The following OTUD7A variants were observed in gnomAD, a reference collection of about 807,000 sequenced individuals.
The protein encoded by OTUD7A is OTU deubiquitinase 7A, also known as OTU domain-containing protein 7A.
In OTUD7A, 12 loss-of-function variants were observed where a neutral mutation model predicts 65.7. The ratio of observed to expected loss-of-function variants is 0.18; its 90% CI spans 0.12 to 0.30. The LOEUF (loss-of-function observed/expected upper bound fraction) is 0.30. OTUD7A is among the 10% of genes least tolerant of loss of function. The pLI is 1.00. For missense variants in OTUD7A, 1,148 were observed against 1,304.8 expected (o/e 0.88, Z 1.85); for synonymous variants, 641 against 586.3 (o/e 1.09, Z -1.35).
chr15:31,480,903 C>T lies in OTUD7A; in HGVS notation c.*2391G>A, dbSNP rs572491021. Reference sequence around the variant, plus strand: ...TGCAGGATGCAGCCAGTGGCTTTATCTCAGGCTCTTATTTAGGGCACATCT... The same window carrying T: ...TGCAGGATGCAGCCAGTGGCTTTATTTCAGGCTCTTATTTAGGGCACATCT... On this transcript the variant is annotated 3_prime_UTR_variant, in exon 13 of 13. Coordinates refer to ENST00000307050, the MANE Select transcript of OTUD7A (RefSeq NM_001382637.1). 3 of 152,336 alleles carry T rather than the reference C, an allele frequency of 2.0e-5. No homozygotes were observed. In the East Asian group the frequency reaches 5.8e-4, roughly 29 times the overall value. 9.4% of individuals were successfully genotyped at this position (152,336 alleles called of 1,614,324 possible).
At chr15:31,734,942 C>T (rs997301545) in intron 1 of OTUD7A, among the ~76,000 whole-genome samples, 3 of 151,984 alleles carry the variant, frequency 2.0e-5, no homozygotes, top group Non-Finnish European at 4.4e-5. Context: ...GCAAAAGAAA[C>T]ACCAACAGAG....
chr15:31,584,334 C>G (rs1889463023), intron 3 of OTUD7A, among the ~76,000 whole-genome samples: 1 of 152,172 alleles, frequency 6.6e-6, no homozygotes, highest in African/African-American at 2.4e-5. Flanking sequence ...TGGCAGTGAT[C>G]ACAAGACTGG....
chr15:31,545,646 A>C (rs1458643280), intron 5 of OTUD7A, among the ~76,000 whole-genome samples: 1 of 152,170 alleles, frequency 6.6e-6, no homozygotes, highest in Non-Finnish European at 1.5e-5. Flanking sequence ...TAACATGAAA[A>C]GTACCTAATT....
At chr15:31,776,913 TG>T (rs1468013383) in intron 1 of OTUD7A, among the ~76,000 whole-genome samples, 1 of 152,044 alleles carries the variant, frequency 6.6e-6, no homozygotes, top group Non-Finnish European at 1.5e-5. Context: ...ACCTGCACAT[TG>T]TGCACCTGTA....
intron 3 of OTUD7A, among the ~76,000 whole-genome samples, chr15:31,602,602 A>G (rs1019198562): frequency 6.6e-6 from 1 of 152,212 alleles, no homozygotes; most frequent in Non-Finnish European, 1.5e-5. Context: ...AGTTCTAGCC[A>G]GGGTAATCAG....
intron 1 of OTUD7A, among the ~76,000 whole-genome samples, chr15:31,794,597 C>T (rs1740238150): frequency 6.6e-6 from 1 of 150,562 alleles, no homozygotes; most frequent in Admixed American, 6.6e-5. Context: ...CAAGTGCTGG[C>T]TGGCCTTGTT....
intron 1 of OTUD7A, among the ~76,000 whole-genome samples, chr15:31,797,244 C>T (rs528601985): frequency 7.0e-4 from 107 of 152,232 alleles, no homozygotes; most frequent in African/African-American, 2.5e-3. Context: ...AAAAGCTGGG[C>T]GGGTGGAGGT....
At chr15:31,670,577 T>C (rs1195054466) in intron 1 of OTUD7A, among the ~76,000 whole-genome samples, 1 of 152,234 alleles carries the variant, frequency 6.6e-6, no homozygotes, top group Non-Finnish European at 1.5e-5. Flanking sequence ...CCTAAATGTC[T>C]TCTTTTGAGA....
At chr15:31,667,175 G>A (rs1276354498) in intron 1 of OTUD7A, among the ~76,000 whole-genome samples, 2 of 152,170 alleles carry the variant, frequency 1.3e-5, no homozygotes, top group Non-Finnish European at 2.9e-5. Flanking sequence ...TAAATCCATT[G>A]TTTCTTTGAC....
At chr15:31,769,222 C>T (rs1007068809) in intron 1 of OTUD7A, among the ~76,000 whole-genome samples, 4 of 152,094 alleles carry the variant, frequency 2.6e-5, no homozygotes, top group African/African-American at 9.7e-5. Context: ...CTATTAACAT[C>T]AGATATATTG....
At chr15:31,803,164 T>TCAGAGTGGCCCAGGTCAC (rs2140951279) in intron 1 of OTUD7A, among the ~76,000 whole-genome samples, 1 of 152,180 alleles carries the variant, frequency 6.6e-6, no homozygotes, top group African/African-American at 2.4e-5. Flanking sequence ...GGACAGAAGC[T>TCAGAGTGGCCCAGGTCAC]CAGAGTGGCC....
chr15:31,786,491 C>A (rs1895677931), intron 1 of OTUD7A, among the ~76,000 whole-genome samples: 1 of 152,094 alleles, frequency 6.6e-6, no homozygotes, highest in Non-Finnish European at 1.5e-5. Context: ...GGGTGTGTGC[C>A]TGGACAGGGT....
chr15:31,794,517 T>C (rs1281977021), intron 1 of OTUD7A, among the ~76,000 whole-genome samples: 1 of 19,374 alleles, frequency 5.2e-5, no homozygotes, highest in African/African-American at 2.1e-4. Context: ...GGAGGGAGGG[T>C]GGGAGAAAGC....
chr15:31,517,589 G>A (rs772114434), intron 8 of OTUD7A, among the ~76,000 whole-genome samples: 15 of 152,198 alleles, frequency 9.9e-5, no homozygotes, highest in Admixed American at 5.9e-4. Flanking sequence ...TGCATGTCCT[G>A]AGAACTTCCT....
intron 1 of OTUD7A, among the ~76,000 whole-genome samples, chr15:31,671,920 A>C (rs944174652): frequency 4.6e-5 from 7 of 151,902 alleles, no homozygotes; most frequent in African/African-American, 1.7e-4. Flanking sequence ...TCCTCTTCCC[A>C]CCCTCCATCC....
At chr15:31,490,286 G>T (rs1276641858) in intron 10 of OTUD7A, among the ~76,000 whole-genome samples, 1 of 152,210 alleles carries the variant, frequency 6.6e-6, no homozygotes, top group Non-Finnish European at 1.5e-5. Context: ...GGCCGGAAAG[G>T]TGTTTTGTTT....
intron 1 of OTUD7A, among the ~76,000 whole-genome samples, chr15:31,755,721 CAA>C (rs371440352): frequency 2.2e-4 from 28 of 124,592 alleles, no homozygotes; most frequent in South Asian, 4.7e-4. Context: ...GACTCTGTCT[CAA>C]AAAAAAAAAA....
intron 3 of OTUD7A, among the ~76,000 whole-genome samples, chr15:31,592,651 C>T (rs528996334): frequency 0.011 from 1,675 of 151,628 alleles, 14 homozygotes; most frequent in Non-Finnish European, 0.014. Flanking sequence ...GAGGCTGAGG[C>T]GGGCAGATCA....
chr15:31,870,241 A>C (rs1263888504), intron 1 of OTUD7A, among the ~76,000 whole-genome samples: 1 of 148,274 alleles, frequency 6.7e-6, no homozygotes, highest in Non-Finnish European at 1.5e-5. Flanking sequence ...GAGGCGCGCC[A>C]CGCCGGGCCG....
Sources: allele counts gnomAD v4.1 joint callset (sites outside exome capture counted in the v4.1 genomes callset), GRCh38; gene constraint gnomAD v4.1.1; transcripts MANE v1.5; gene names NCBI Gene and HGNC (gene_info 2026-07-23, HGNC 2026-07-21).